Variants in UBR4 observed in about 807,000 individuals in gnomAD.
UBR4 encodes the protein E3 ubiquitin-protein ligase UBR4.
A neutral mutation model predicts 575.6 loss-of-function variants in UBR4; 124 were observed. The observed-to-expected ratio is 0.22, with a 90% confidence interval of 0.19 to 0.25. The LOEUF is 0.25. UBR4 is among the 10% of genes least tolerant of loss of function. UBR4 has a pLI of 1.00. For missense variants in UBR4, 4,818 were observed against 6,478.8 expected, an observed-to-expected ratio of 0.74 and a Z score of 8.80; for synonymous variants, 2,455 against 2,473.7, an observed-to-expected ratio of 0.99 and a Z score of 0.22.
chr1:19,175,081 A>G, intron 20 of UBR4, 48 bp from the exon 21 acceptor site: 2 of 1,519,570 alleles, frequency 1.3e-6, no homozygotes, highest in Non-Finnish European at 1.8e-6. Flanking sequence ...TCTTAACTCT[A>G]TCTGACTAGT....
At chr1:19,166,887 C>A (rs1332279462) in intron 29 of UBR4, 135 bp downstream of exon 29, 1 of 1,001,288 alleles carries the variant, frequency 1.0e-6, no homozygotes, top group East Asian at 2.5e-5. Context: ...CAGAGCGAGA[C>A]CATGTCTCAG....
intron 103 of UBR4, chr1:19,078,542 G>A (rs1292233371): frequency 2.5e-5 from 4 of 160,394 alleles, no homozygotes; most frequent in Admixed American, 1.8e-4. Context: ...ACCTAAACCA[G>A]TCAAACACGG....
chr1:19,158,410 G>A (rs1164653235), intron 39 of UBR4, among the ~76,000 whole-genome samples: 3 of 151,706 alleles, frequency 2.0e-5, no homozygotes, highest in Admixed American at 6.6e-5. Context: ...CTGATTTTAC[G>A]ACTTCTTTTA....
intron 63 of UBR4, 31 bp downstream of exon 63, chr1:19,127,592 C>T: frequency 6.3e-7 from 1 of 1,577,900 alleles, no homozygotes; most frequent in Non-Finnish European, 8.7e-7. Flanking sequence ...GCTTACCTTT[C>T]CCCAAACCCA....
Position 19,145,865 on chromosome 1 carries a change from G to C in UBR4, c.7873C>G (p.Leu2625Val). The C allele has an allele frequency of 6.2e-7, 1 of 1,614,206 alleles. No individual in the cohort carries two copies. Among genetic ancestry groups the C allele is most frequent in the Non-Finnish European group, 8.5e-7 (1 of 1,180,024 alleles). Reference sequence around the variant, plus strand: ...TGGAGTTTCCAGAAGTGGTTCACAAGCTGGGTGATGAAACTACAGCAATCT... The same window carrying C: ...TGGAGTTTCCAGAAGTGGTTCACAACCTGGGTGATGAAACTACAGCAATCT... Reference protein sequence around the residue: ...EGDCCSFITQLVNHFWKLHAS... With the variant: ...EGDCCSFITQVVNHFWKLHAS... Residue 2625 changes from leucine (L) to valine (V), a missense_variant, in exon 53 of 106, where the codon CTT becomes GTT. Coordinates refer to ENST00000375254, the MANE Select transcript of UBR4 (RefSeq NM_020765.3).
chr1:19,125,967 A>G (rs1469321069), intron 64 of UBR4, among the ~76,000 whole-genome samples: 5 of 152,212 alleles, frequency 3.3e-5, no homozygotes, highest in Non-Finnish European at 7.3e-5. Context: ...CAGCTGTAGA[A>G]GCTGAAGGTT....
At chr1:19,143,178 GAAAA>G (rs1237866570) in intron 55 of UBR4, among the ~76,000 whole-genome samples, 2 of 138,124 alleles carry the variant, frequency 1.4e-5, no homozygotes, top group East Asian at 2.1e-4. Context: ...AAGGAAGGAA[GAAAA>G]AAGAAAGAAA....
Position 19,092,850 on chromosome 1 carries a change from C to A in UBR4, c.14180G>T (p.Arg4727Leu). Residue 4727 changes from arginine (R) to leucine (L), a missense_variant, in exon 97 of 106, where the codon CGG becomes CTG. Around this residue, in one of 29 missense-constraint regions of UBR4, gnomAD observed 196 missense variants for 386.8 expected, o/e 0.51. Coordinates refer to ENST00000375254, the MANE Select transcript of UBR4 (RefSeq NM_020765.3). Reference sequence around the variant, plus strand: ...GCCAGGGTGCTGGATGGCCAGGCCCCGAAGCAGCCTTAGGATAAATGGCAA... The same window carrying A: ...GCCAGGGTGCTGGATGGCCAGGCCCAGAAGCAGCCTTAGGATAAATGGCAA... Reference protein sequence around the residue: ...PALPFILRLLRGLAIQHPGTQ... With the variant: ...PALPFILRLLLGLAIQHPGTQ... 1 of 1,613,020 alleles carries A rather than the reference C, an allele frequency of 6.2e-7. No individual in the cohort carries two copies.
rs2087099253 is a variant in UBR4, at chr1:19,160,161, T to C, written c.5527A>G (p.Ser1843Gly). The C allele has an allele frequency of 1.2e-6, 2 of 1,613,996 alleles. No individual in the cohort carries two copies. The highest frequency in any genetic ancestry group is 2.2e-5 in the East Asian group (1 of 44,884). The change falls in exon 39 of 106, where the codon AGT (serine) becomes GGT (glycine). Residue 1843 changes from serine to glycine, a missense_variant. Ser to Gly is a moderately conservative substitution (Grantham distance 56). Coordinates refer to ENST00000375254, the MANE Select transcript of UBR4 (RefSeq NM_020765.3). ...GCCTTCTCCACAGTGTGTAGCTCAC[T>C]GAGGGCTTGCTGAGCACGGCTGCTG... ...GSSSRAQQAL[S>G]ELHTVEKAVE...
rs747302887 is a variant in UBR4, at chr1:19,164,821, T to A, written c.4489A>T (p.Thr1497Ser). Residue 1497 changes from threonine to serine, a missense_variant, in exon 32 of 106, where the codon ACA (threonine) becomes TCA (serine). By Grantham distance (58) the Thr-to-Ser change is moderately conservative (BLOSUM62 1). Around this residue, in one of 29 missense-constraint regions of UBR4, gnomAD observed 1,172 missense variants for 1,259.7 expected, o/e 0.93. Transcript: ENST00000375254. ...TACCTGTTTTCCCGAACAATGTATG[T>A]GGTCAGTAACTGCAGCAGCTGCCGG... ...ENRQLLQLLT[T>S]YIVRENSQVG... 6.2e-7 allele frequency: 1 copy of A among 1,614,162 alleles called. No individual in the cohort carries two copies. The highest frequency in any genetic ancestry group is 8.5e-7 in the Non-Finnish European group (1 of 1,180,012).
chr1:19,078,921 G>A (rs2076223625), intron 103 of UBR4: 2 of 152,164 alleles, frequency 1.3e-5, no homozygotes. Context: ...CACAGACAGT[G>A]AAATATCAGT....
chr1:19,162,641 A>C, intron 34 of UBR4, 30 bp from the exon 35 acceptor site: 1 of 1,588,080 alleles, frequency 6.3e-7, no homozygotes, highest in Non-Finnish European at 8.6e-7. Context: ...GCAACTTCAG[A>C]TTCTCCATGT....
At chr1:19,095,677 C>T (rs1189134769) in intron 92 of UBR4, 25 bp from the exon 93 acceptor site, 1 of 1,608,814 alleles carries the variant, frequency 6.2e-7, no homozygotes, top group Non-Finnish European at 8.5e-7. Flanking sequence ...CAGTCAAAAC[C>T]CATGAGGCCA....
intron 14 of UBR4, among the ~76,000 whole-genome samples, chr1:19,185,735 G>A (rs1316904750): frequency 1.3e-5 from 2 of 152,076 alleles, no homozygotes; most frequent in African/African-American, 4.8e-5. Flanking sequence ...CATGTGCCTG[G>A]CTAATTTTTG....
chr1:19,192,570 T>G, intron 9 of UBR4, 30 bp from the exon 10 acceptor site: 1 of 1,612,710 alleles, frequency 6.2e-7, no homozygotes, highest in South Asian at 1.1e-5. Flanking sequence ...CACAAAAATC[T>G]GAACAAGCTG....
rs1342495505 is a variant in UBR4, at chr1:19,210,132, C to T, written c.117G>A (p.Ala39=). 1 of 1,586,466 alleles carries T rather than the reference C, an allele frequency of 6.3e-7. No individual in the cohort carries two copies. Among genetic ancestry groups the T allele is most frequent in the Admixed American group, 1.7e-5 (1 of 57,476 alleles). ...CCTTCATCTCGAAGGCGGAGTAGGA[C>T]GCGGACAGCAGGGGCCGCACAGCCA... is the stretch of plus-strand genomic sequence containing the variant. The part of the protein sequence containing the change: ...WEVAVRPLLS[A]SYSAFEMKEL... The change falls in exon 1 of 106, where the codon GCG becomes GCA. Residue 39 remains alanine (A), a synonymous_variant. Coordinates refer to ENST00000375254, the MANE Select transcript of UBR4 (RefSeq NM_020765.3).
At position 19,153,469 on chromosome 1, in the gene UBR4, A is replaced by C; in HGVS notation, c.6664T>G (p.Cys2222Gly). ...QDMVAIRHTA[C>G]NEQQRTTMIL... Reference sequence around the variant, plus strand: ...ATTGTTGTCCGCTGCTGCTCATTGCAGGCCGTGTGCCTAATAGCAACCATG... The same window carrying C: ...ATTGTTGTCCGCTGCTGCTCATTGCCGGCCGTGTGCCTAATAGCAACCATG... The change falls in exon 46 of 106, where the codon TGC becomes GGC. Residue 2222 changes from cysteine to glycine, a missense_variant. Transcript: ENST00000375254. This position sits in a 1 kb window ranked among gnomAD's most constrained non-coding sequence, Gnocchi z 4.1. 1 of 1,614,130 alleles carries C rather than the reference A, an allele frequency of 6.2e-7. No individual in the cohort carries two copies. Among genetic ancestry groups the C allele is most frequent in the Non-Finnish European group, 8.5e-7 (1 of 1,180,030 alleles).
intron 84 of UBR4, among the ~76,000 whole-genome samples, 167 bp from the exon 85 acceptor site, chr1:19,105,356 A>G (rs141261971): frequency 6.6e-6 from 1 of 152,302 alleles, no homozygotes; most frequent in East Asian, 1.9e-4. Context: ...CCCACATGGG[A>G]ATTTCCCACA....
At position 19,110,310 on chromosome 1, in the gene UBR4, TC is replaced by T; in HGVS notation, c.11977+69del. The stretch of plus-strand genomic sequence containing the variant: ...GCCGCCCAAGCATCAGTTTCCCTCC[TC>T]CCCTCCCAGTCCGGCCAGGACTGCT... On this transcript the variant is annotated intron_variant, in intron 80 of 105. Coordinates refer to ENST00000375254, the MANE Select transcript of UBR4 (RefSeq NM_020765.3). This position sits in a 1 kb window ranked among gnomAD's most constrained non-coding sequence, Gnocchi z 4.5. 6.2e-7 allele frequency: 1 copy of T among 1,612,818 alleles called. No homozygotes were observed. Among genetic ancestry groups the T allele is most frequent in the Non-Finnish European group, 8.5e-7 (1 of 1,179,014 alleles).
Sources: allele counts gnomAD v4.1 joint callset (sites outside exome capture counted in the v4.1 genomes callset), GRCh38; gene constraint gnomAD v4.1.1; regional missense constraint gnomAD v4.1.1; non-coding constraint Gnocchi (gnomAD v3.1); transcripts MANE v1.5; gene names NCBI Gene and HGNC (gene_info 2026-07-23, HGNC 2026-07-21).